LPAR3: variants seen among roughly 807,000 people sequenced by gnomAD.
LPAR3 encodes the protein LPA receptor 3.
A neutral mutation model predicts 17.8 loss-of-function variants in LPAR3; 7 were observed. The observed-to-expected ratio is 0.39, with a 90% CI of 0.22 to 0.74. The LOEUF (loss-of-function observed/expected upper bound fraction) is 0.74, where lower values mean the gene tolerates loss of function less well. Ranked by LOEUF, LPAR3 falls within the 30% of genes least tolerant of loss-of-function variation. The pLI is 0.40. For synonymous variants in LPAR3, 179 were observed against 179.9 expected, an observed-to-expected ratio of 0.99 and a Z score of 0.04; for missense variants, 391 against 453.4, an observed-to-expected ratio of 0.86 and a Z score of 1.25.
intron 2 of LPAR3, among the ~76,000 whole-genome samples, chr1:84,829,840 G>T (rs943307000): frequency 6.6e-6 from 1 of 152,118 alleles, no homozygotes; most frequent in Non-Finnish European, 1.5e-5. Flanking sequence ...GTAAGGCAGA[G>T]GACATAAATA....
chr1:84,832,131 G>C (rs12130014), intron 2 of LPAR3, among the ~76,000 whole-genome samples: 44,565 of 151,832 alleles, frequency 0.29, 7,196 homozygotes, highest in East Asian at 0.54. Flanking sequence ...TCAAATACAA[G>C]GACCACCTGC....
chr1:84,858,173 T>A (rs1020067705), intron 2 of LPAR3, among the ~76,000 whole-genome samples: 1 of 152,100 alleles, frequency 6.6e-6, no homozygotes, highest in Non-Finnish European at 1.5e-5. Flanking sequence ...CGGCTTCTCA[T>A]ATTATAAAAT....
intron 2 of LPAR3, among the ~76,000 whole-genome samples, chr1:84,864,652 C>T (rs1211262192): frequency 3.3e-5 from 5 of 151,828 alleles, no homozygotes; most frequent in Non-Finnish European, 5.9e-5. Context: ...CATGGTGGTG[C>T]GCTGCCTGTA....
chr1:84,835,131 C>T (rs1371808379), intron 2 of LPAR3, among the ~76,000 whole-genome samples: 2 of 152,156 alleles, frequency 1.3e-5, no homozygotes, highest in Non-Finnish European at 2.9e-5. Context: ...TTCAAAACTC[C>T]AGTTACCTTC....
intron 2 of LPAR3, among the ~76,000 whole-genome samples, chr1:84,839,570 T>A (rs1162888250): frequency 6.6e-6 from 1 of 152,022 alleles, no homozygotes; most frequent in African/African-American, 2.4e-5. Context: ...ACTTGAGAAG[T>A]TGAGGTGGGA....
At chr1:84,842,887 A>C (rs1406125499) in intron 2 of LPAR3, among the ~76,000 whole-genome samples, 1 of 152,102 alleles carries the variant, frequency 6.6e-6, no homozygotes, top group African/African-American at 2.4e-5. Flanking sequence ...GCAAAGAAGA[A>C]AAAAAAAGAT....
intron 2 of LPAR3, among the ~76,000 whole-genome samples, chr1:84,817,445 A>C (rs1658958472): frequency 6.6e-6 from 1 of 152,162 alleles, no homozygotes; most frequent in African/African-American, 2.4e-5. Flanking sequence ...ACCCCCTCAA[A>C]GTATGAACTG....
intron 2 of LPAR3, among the ~76,000 whole-genome samples, chr1:84,814,392 C>T (rs1462684001): frequency 6.6e-6 from 1 of 152,206 alleles, no homozygotes; most frequent in Non-Finnish European, 1.5e-5. Flanking sequence ...TTTCATTTCA[C>T]TTTCTTTTCT....
intron 2 of LPAR3, among the ~76,000 whole-genome samples, chr1:84,852,991 C>T (rs993313787): frequency 5.3e-5 from 8 of 151,920 alleles, no homozygotes; most frequent in Admixed American, 1.3e-4. Context: ...CACACTGGCT[C>T]GTGCCTATAA....
chr1:84,855,359 T>C (rs1659797057), intron 2 of LPAR3, among the ~76,000 whole-genome samples: 1 of 152,126 alleles, frequency 6.6e-6, no homozygotes, highest in Admixed American at 6.5e-5. Flanking sequence ...CATTTCTCCT[T>C]TGGCAGAAAT....
At chr1:84,818,940 T>TC (rs997439543) in intron 2 of LPAR3, among the ~76,000 whole-genome samples, 23 of 152,332 alleles carry the variant, frequency 1.5e-4, no homozygotes, top group Middle Eastern at 3.4e-3. Flanking sequence ...TTCGCTTTTT[T>TC]CCCCCTCTCT....
chr1:84,889,805 G>A (rs1660520526), intron 1 of LPAR3, among the ~76,000 whole-genome samples: 1 of 152,122 alleles, frequency 6.6e-6, no homozygotes, highest in Admixed American at 6.5e-5. Flanking sequence ...TGGATGTCCT[G>A]CCTCTTTAAT....
chr1:84,852,954 T>C (rs1444459755), intron 2 of LPAR3, among the ~76,000 whole-genome samples: 1 of 151,310 alleles, frequency 6.6e-6, no homozygotes, highest in Non-Finnish European at 1.5e-5. Context: ...GAAAAGAAAA[T>C]AAACAAGAGT....
intron 2 of LPAR3, among the ~76,000 whole-genome samples, chr1:84,852,618 G>C (rs1041449917): frequency 6.6e-5 from 10 of 152,170 alleles, no homozygotes; most frequent in Admixed American, 5.2e-4. Flanking sequence ...TGAGGATGGA[G>C]AGGCTGCTTT....
chr1:84,819,526 T>C (rs1016273037), intron 2 of LPAR3, among the ~76,000 whole-genome samples: 2 of 152,092 alleles, frequency 1.3e-5, no homozygotes, highest in African/African-American at 4.8e-5. Flanking sequence ...TGACCCAAAA[T>C]GGTTTAATCA....
At chr1:84,880,002 GATCA>G (rs1190833703) in intron 1 of LPAR3, among the ~76,000 whole-genome samples, 1 of 152,216 alleles carries the variant, frequency 6.6e-6, no homozygotes, top group Admixed American at 6.5e-5. Context: ...ACTCTGATCT[GATCA>G]ATCTGATCAC....
intron 2 of LPAR3, among the ~76,000 whole-genome samples, chr1:84,849,186 C>A (rs558408237): frequency 1.3e-5 from 2 of 151,832 alleles, no homozygotes; most frequent in African/African-American, 4.8e-5. Flanking sequence ...ACCATCCTGG[C>A]CAACATGGTA....
At chr1:84,826,229 G>T (rs897914436) in intron 2 of LPAR3, among the ~76,000 whole-genome samples, 1 of 151,298 alleles carries the variant, frequency 6.6e-6, no homozygotes, top group Non-Finnish European at 1.5e-5. Flanking sequence ...GAATAAATCT[G>T]ATTTTTACAG....
chr1:84,884,596 A>C (rs1321223056), intron 1 of LPAR3, among the ~76,000 whole-genome samples: 1 of 152,218 alleles, frequency 6.6e-6, no homozygotes, highest in African/African-American at 2.4e-5. Flanking sequence ...TTTCAGAGAA[A>C]GCTCAGAAGA....
Sources: allele counts gnomAD v4.1 joint callset (sites outside exome capture counted in the v4.1 genomes callset), GRCh38; gene constraint gnomAD v4.1.1; transcripts MANE v1.5; gene names NCBI Gene and HGNC (gene_info 2026-07-23, HGNC 2026-07-21).